SPAG16: variants seen among roughly 807,000 people sequenced by gnomAD.
SPAG16 encodes the protein sperm associated antigen 16, also known as sperm-associated antigen 16 protein.
SPAG16 carries 86 observed loss-of-function variants against 80.4 expected under a neutral mutation model. That is an observed-to-expected ratio of 1.07 (90% CI 0.90 to 1.28). The LOEUF is 1.28. SPAG16 is among the 50% of genes most tolerant of loss of function. The probability of loss-of-function intolerance (pLI) is 0.00; values close to 1 mark genes in which losing one functional copy is unlikely to be tolerated. For synonymous variants in SPAG16, 294 were observed against 265.9 expected (o/e 1.11, Z -1.03); for missense variants, 870 against 765.3 (o/e 1.14, Z -1.61).
At chr2:213,360,334 T>G (rs919730393) in intron 7 of SPAG16, among the ~76,000 whole-genome samples, 1 of 152,198 alleles carries the variant, frequency 6.6e-6, no homozygotes, top group Admixed American at 6.5e-5. Context: ...CAAGTCCTAG[T>G]TATAGGACAA....
chr2:213,556,224 T>TACATA (rs2125964828), intron 10 of SPAG16, among the ~76,000 whole-genome samples: 1 of 142,368 alleles, frequency 7.0e-6, no homozygotes, highest in East Asian at 2.1e-4. Context: ...AGTAAGTCCT[T>TACATA]ACATATTAAT....
intron 10 of SPAG16, among the ~76,000 whole-genome samples, chr2:213,808,897 G>A (rs1221374962): frequency 6.6e-6 from 1 of 152,044 alleles, no homozygotes; most frequent in East Asian, 1.9e-4. Flanking sequence ...TTCTATTGGA[G>A]TTGTCTCAAG....
intron 15 of SPAG16, among the ~76,000 whole-genome samples, chr2:214,313,866 A>G (rs1406029930): frequency 6.6e-6 from 1 of 152,054 alleles, no homozygotes; most frequent in Non-Finnish European, 1.5e-5. Flanking sequence ...TTTTTCTTCT[A>G]TACAACTAAA....
At chr2:213,413,032 T>G (rs2125403449) in intron 9 of SPAG16, among the ~76,000 whole-genome samples, 1 of 152,184 alleles carries the variant, frequency 6.6e-6, no homozygotes, top group South Asian at 2.1e-4. Context: ...TAGTCTTGAG[T>G]TATATTGGGT....
At chr2:213,511,374 G>A (rs1236377777) in intron 10 of SPAG16, among the ~76,000 whole-genome samples, 1 of 151,978 alleles carries the variant, frequency 6.6e-6, no homozygotes, top group African/African-American at 2.4e-5. Flanking sequence ...CCATCGTTTC[G>A]AGATTTGGAA....
At chr2:213,920,305 G>A (rs548579523) in intron 11 of SPAG16, among the ~76,000 whole-genome samples, 5 of 152,312 alleles carry the variant, frequency 3.3e-5, no homozygotes, top group Admixed American at 2.0e-4. Flanking sequence ...GTTGATATGT[G>A]TGAATGTGAT....
intron 15 of SPAG16, among the ~76,000 whole-genome samples, chr2:214,320,748 A>T (rs1052561392): frequency 4.6e-5 from 7 of 152,212 alleles, no homozygotes; most frequent in Non-Finnish European, 1.0e-4. Context: ...TGCACCCATG[A>T]TTCAATTACC....
At chr2:213,572,986 G>A (rs2059975217) in intron 10 of SPAG16, among the ~76,000 whole-genome samples, 1 of 152,148 alleles carries the variant, frequency 6.6e-6, no homozygotes, top group Non-Finnish European at 1.5e-5. Context: ...ATTCGGGTGG[G>A]AGTGACCCGA....
At chr2:213,922,249 C>G (rs1116361) in intron 11 of SPAG16, among the ~76,000 whole-genome samples, 28,597 of 98,238 alleles carry the variant, frequency 0.29, 3,285 homozygotes, top group Middle Eastern at 0.39. Context: ...TTATTTTTGT[C>G]TGACTGAGTT....
intron 3 of SPAG16, among the ~76,000 whole-genome samples, chr2:213,306,118 C>G (rs2062928570): frequency 6.6e-6 from 1 of 151,912 alleles, no homozygotes. Context: ...TTCCAATTTA[C>G]TGGCACGTAG....
intron 13 of SPAG16, among the ~76,000 whole-genome samples, chr2:214,106,114 T>G (rs2053370371): frequency 6.6e-6 from 1 of 152,124 alleles, no homozygotes; most frequent in Admixed American, 6.6e-5. Context: ...AAGGACCAAA[T>G]GCAAAACTTT....
intron 10 of SPAG16, among the ~76,000 whole-genome samples, chr2:213,537,321 A>AATAAAACAAACAAACAAAAAAAAGCAACC (rs2076286452): frequency 1.3e-5 from 2 of 152,096 alleles, no homozygotes; most frequent in Admixed American, 1.3e-4. Context: ...ATAATAATAA[A>AATAAAACAAACAAACAAAAAAAAGCAACC]ATAAAACAAA....
In SPAG16 at chr2:213,358,012, A is replaced by G. The variant is rs190415921; in HGVS notation, c.763-6064A>G. Among the ~76,000 whole-genome samples, 47 of 152,252 alleles carry G rather than the reference A, an allele frequency of 3.1e-4. No homozygotes were observed. The East Asian group carries it at 8.1e-3, about 26-fold the overall frequency. ...GAAGGATTTTATTTCTCCTTCACTT[A>G]TGAAACTTAGTTTGGCTAGATATGA... On this transcript the variant is annotated intron_variant, in intron 7 of 15. Coordinates refer to ENST00000331683, the MANE Select transcript of SPAG16 (RefSeq NM_024532.5).
chr2:213,634,402 A>G (rs755086496), intron 10 of SPAG16, among the ~76,000 whole-genome samples: 17 of 152,170 alleles, frequency 1.1e-4, no homozygotes, highest in Non-Finnish European at 2.1e-4. Flanking sequence ...GGTAGTTACT[A>G]TTTTTTATTG....
intron 10 of SPAG16, among the ~76,000 whole-genome samples, chr2:213,498,927 T>C (rs1157999146): frequency 6.6e-6 from 1 of 152,164 alleles, no homozygotes; most frequent in Non-Finnish European, 1.5e-5. Context: ...CAGTTTCCCA[T>C]GGTCTGCCTC....
intron 15 of SPAG16, among the ~76,000 whole-genome samples, chr2:214,244,874 G>C (rs1469118877): frequency 6.6e-6 from 1 of 151,952 alleles, no homozygotes; most frequent in East Asian, 1.9e-4. Flanking sequence ...AGTTTCTGTA[G>C]TCTTAACCTG....
At chr2:214,227,967 A>G (rs1459167054) in intron 15 of SPAG16, among the ~76,000 whole-genome samples, 1 of 151,878 alleles carries the variant, frequency 6.6e-6, no homozygotes, top group Non-Finnish European at 1.5e-5. Flanking sequence ...GCTCCCTGAG[A>G]CAGATGGTTA....
chr2:213,834,285 A>T (rs776572283), intron 10 of SPAG16, among the ~76,000 whole-genome samples: 7 of 152,310 alleles, frequency 4.6e-5, no homozygotes, highest in Non-Finnish European at 8.8e-5. Flanking sequence ...AGAAAAGCAT[A>T]AAAATTTTAT....
intron 12 of SPAG16, among the ~76,000 whole-genome samples, chr2:213,940,129 A>G (rs2106284360): frequency 1.3e-5 from 2 of 152,344 alleles, no homozygotes; most frequent in African/African-American, 4.8e-5. Flanking sequence ...AAAACATATA[A>G]TTATATAACA....
Sources: gnomAD v4.1 joint callset for allele counts (sites outside exome capture counted in the v4.1 genomes callset) on GRCh38, gnomAD v4.1.1 for gene constraint, MANE v1.5 for transcripts, NCBI Gene and HGNC (gene_info 2026-07-23, HGNC 2026-07-21) for gene names.